MYOM2: variants seen among roughly 807,000 people sequenced by gnomAD.
The protein encoded by MYOM2 is myomesin 2.
Under a neutral mutation model 187.6 loss-of-function variants are expected in MYOM2, and 254 were observed. The ratio of observed to expected loss-of-function variants is 1.35; its 90% confidence interval spans 1.22 to 1.50. MYOM2 has a LOEUF of 1.50. Among genes scored for constraint, MYOM2 ranks in the 40% most tolerant of loss-of-function variants. The probability of loss-of-function intolerance (pLI) is 0.00; values close to 1 mark genes in which losing one functional copy is unlikely to be tolerated. For synonymous variants in MYOM2, 981 were observed against 753.8 expected (o/e 1.30, Z -4.94); for missense variants, 2,796 against 1,924.0 (o/e 1.45, Z -8.48).
chr8:2,096,629 G>T (rs1252166119), intron 18 of MYOM2, among the ~76,000 whole-genome samples, 195 bp downstream of exon 18: 1 of 152,212 alleles, frequency 6.6e-6, no homozygotes, highest in East Asian at 1.9e-4. Context: ...CTGAGAAGCA[G>T]TGAAGAAGGG....
chr8:2,085,577 T>C (rs1343431962), intron 14 of MYOM2, among the ~76,000 whole-genome samples, 187 bp downstream of exon 14: 108 of 8,038 alleles, frequency 0.013, 34 homozygotes, highest in Middle Eastern at 0.14. Context: ...GCCCCACTGT[T>C]GTGATCTCTG....
chr8:2,080,100 T>A (rs1429842661), intron 13 of MYOM2, among the ~76,000 whole-genome samples: 1 of 152,244 alleles, frequency 6.6e-6, no homozygotes, highest in Admixed American at 6.5e-5. Flanking sequence ...TATTTCTTCT[T>A]CCTGATTTTC....
rs754925900 is a variant in MYOM2, at chr8:2,094,110, G to A, written c.2125+19G>A. 3 of 1,613,722 alleles carry A rather than the reference G, an allele frequency of 1.9e-6. No individual in the cohort carries two copies. The highest frequency in any genetic ancestry group is 2.2e-5 in the South Asian group (2 of 91,004). On this transcript the variant is annotated intron_variant, in intron 17 of 36. Transcript: ENST00000262113. ...GCACTCAGTAAGTCACTCACAGGCTGTTGTGTGCCGATTGCTCCCATACAC... is the reference window on the plus strand; with the variant it reads ...GCACTCAGTAAGTCACTCACAGGCTATTGTGTGCCGATTGCTCCCATACAC...
At chr8:2,119,071 C>A (rs1423360823) in intron 28 of MYOM2, 1 of 152,282 alleles carries the variant, frequency 6.6e-6, no homozygotes, top group Non-Finnish European at 1.5e-5. Context: ...AGAATACATT[C>A]AATTTCACAA....
intron 11 of MYOM2, among the ~76,000 whole-genome samples, chr8:2,077,635 A>G (rs953749648): frequency 3.3e-5 from 5 of 152,066 alleles, no homozygotes; most frequent in Non-Finnish European, 5.9e-5. Context: ...AACCCTCAAA[A>G]CGATCTTCTT....
At chr8:2,062,199 G>C (rs1169130420) in intron 6 of MYOM2, among the ~76,000 whole-genome samples, 1 of 152,214 alleles carries the variant, frequency 6.6e-6, no homozygotes, top group Non-Finnish European at 1.5e-5. Context: ...GCAGATCACG[G>C]GGACCCCGTG....
chr8:2,132,244 G>T (rs887248449), intron 32 of MYOM2, among the ~76,000 whole-genome samples: 2 of 114,954 alleles, frequency 1.7e-5, no homozygotes, highest in African/African-American at 5.1e-5. Flanking sequence ...GGAATATTTT[G>T]TGTTAATGGG....
At chr8:2,135,057 C>T (rs565985273) in intron 32 of MYOM2, among the ~76,000 whole-genome samples, 1 of 152,308 alleles carries the variant, frequency 6.6e-6, no homozygotes, top group East Asian at 1.9e-4. Flanking sequence ...TGGATCCCAG[C>T]CCAACTCCAC....
rs1796071747 is a variant in MYOM2 at position 2,086,478 on chromosome 8, A to ATGATCTCTGCGTGGCCCCCCACTGTCG, written c.1644+1097_1644+1098insCGTGGCCCCCCACTGTCGTGATCTCTG. 3.5e-4 allele frequency among the ~76,000 whole-genome samples: 36 copies of ATGATCTCTGCGTGGCCCCCCACTGTCG among 102,762 alleles called. 2 individuals are homozygous for ATGATCTCTGCGTGGCCCCCCACTGTCG. Among genetic ancestry groups the ATGATCTCTGCGTGGCCCCCCACTGTCG allele is most frequent in the Non-Finnish European group, 6.4e-4 (33 of 51,968 alleles). The allele number at this position is 102,762 out of a possible 152,430, so 67.4% of individuals were successfully genotyped here. On this transcript the variant is annotated intron_variant, in intron 14 of 36. Coordinates refer to ENST00000262113, the MANE Select transcript of MYOM2 (RefSeq NM_003970.4). ...GATCTCCACGTGGCCACACACTGTCATGATCTCTGTGTGGCCCCCCACTGT... is the reference window on the plus strand; with the variant it reads ...GATCTCCACGTGGCCACACACTGTCATGATCTCTGCGTGGCCCCCCACTGTCGTGATCTCTGTGTGGCCCCCCACTGT...
At chr8:2,108,686 C>G (rs1796970395) in intron 23 of MYOM2, 100 bp from the exon 24 acceptor site, 22 of 1,120,090 alleles carry the variant, frequency 2.0e-5, no homozygotes, top group Middle Eastern at 2.0e-4. Context: ...CAATTAAATC[C>G]TGGGGGTTTC....
Position 2,090,078 on chromosome 8 carries a change from T to C in MYOM2, c.1715T>C (p.Val572Ala), listed in dbSNP as rs750471917. ...QTAVRSPRYA[V>A]FDLMEGKSYV... The stretch of plus-strand genomic sequence containing the variant: ...GCTGTGAGATCCCCGAGATATGCCG[T>C]GTTTGACCTCATGGAAGGGAAGTCT... The change falls in exon 15 of 37, where the codon GTG (valine) becomes GCG (alanine). Residue 572 changes from valine (V) to alanine (A), a missense_variant. By Grantham distance (64) the Val-to-Ala change is moderately conservative. Coordinates refer to ENST00000262113, the MANE Select transcript of MYOM2 (RefSeq NM_003970.4). The C allele has an allele frequency of 9.9e-6, 16 of 1,613,580 alleles. No homozygotes were observed. The highest frequency in any genetic ancestry group is 1.4e-5 in the Non-Finnish European group (16 of 1,179,922).
intron 19 of MYOM2, 108 bp from the exon 20 acceptor site, chr8:2,100,768 C>T: frequency 9.5e-7 from 1 of 1,051,092 alleles, no homozygotes; most frequent in Non-Finnish European, 1.4e-6. Context: ...ACGGATGGTC[C>T]TGGTGGGGGG....
chr8:2,074,133 A>G (rs1393649324), intron 10 of MYOM2, among the ~76,000 whole-genome samples: 4 of 152,202 alleles, frequency 2.6e-5, no homozygotes, highest in Non-Finnish European at 5.9e-5. Context: ...AAGAAAGACA[A>G]TATTTGTGAT....
chr8:2,060,880 G>T (rs898638611), intron 6 of MYOM2, among the ~76,000 whole-genome samples: 1 of 152,130 alleles, frequency 6.6e-6, no homozygotes, highest in African/African-American at 2.4e-5. Flanking sequence ...GAGAGAAACC[G>T]GGCTCAGCTC....
chr8:2,112,357 G>T (rs985232122), intron 25 of MYOM2, among the ~76,000 whole-genome samples: 19 of 130,138 alleles, frequency 1.5e-4, no homozygotes, highest in African/African-American at 5.3e-4. Context: ...AGGGTAGAGG[G>T]TTATTGAAAT....
chr8:2,112,775 C>A (rs912119606), intron 25 of MYOM2, among the ~76,000 whole-genome samples: 1 of 152,126 alleles, frequency 6.6e-6, no homozygotes, highest in African/African-American at 2.4e-5. Flanking sequence ...AACAAATGCA[C>A]GTGATTTATC....
In MYOM2 at chr8:2,072,155, C is replaced by T. The variant is rs893180196; in HGVS notation, c.794-190C>T. On this transcript the variant is annotated intron_variant, in intron 8 of 36. Transcript: ENST00000262113. ...GCTCTCTGCCCTAATGGCGTGAACC[C>T]GGGAGGCGAAGCCTGCAGTGAGCCG... 7.2e-5 allele frequency among the ~76,000 whole-genome samples: 11 copies of T among 152,254 alleles called. No homozygotes were observed. In the East Asian group the frequency reaches 1.5e-3, roughly 21 times the overall value.
At chr8:2,070,806 TAACAC>T in intron 8 of MYOM2, among the ~76,000 whole-genome samples, 1 of 152,318 alleles carries the variant, frequency 6.6e-6, no homozygotes, top group East Asian at 1.9e-4. Context: ...CCATTGTACA[TAACAC>T]AATGTTAACC....
chr8:2,109,915 C>T (rs1797012997), intron 25 of MYOM2, among the ~76,000 whole-genome samples: 4 of 152,180 alleles, frequency 2.6e-5, no homozygotes, highest in Admixed American at 2.0e-4. Flanking sequence ...GCATTCTCCC[C>T]CCACTGACAG....
Sources: allele counts gnomAD v4.1 joint callset (sites outside exome capture counted in the v4.1 genomes callset), GRCh38; gene constraint gnomAD v4.1.1; transcripts MANE v1.5; gene names NCBI Gene and HGNC (gene_info 2026-07-23, HGNC 2026-07-21).